Variants in TIAM1 observed in about 807,000 individuals in gnomAD.
The protein encoded by TIAM1 is TIAM Rac1 associated GEF 1.
TIAM1 carries 65 observed loss-of-function variants against 163.5 expected under a neutral mutation model. The ratio of observed to expected loss-of-function variants is 0.40; its 90% CI spans 0.33 to 0.49. The LOEUF is 0.49. TIAM1 is among the 20% of genes least tolerant of loss of function. The pLI is 0.77. For synonymous variants in TIAM1, 833 were observed against 810.1 expected, an observed-to-expected ratio of 1.03 and a Z score of -0.48; for missense variants, 1,789 against 2,044.7, an observed-to-expected ratio of 0.87 and a Z score of 2.41.
chr21:31,394,728 T>TCACACACACACA (rs71318270), intron 2 of TIAM1, among the ~76,000 whole-genome samples: 10 of 95,728 alleles, frequency 1.0e-4, no homozygotes, highest in East Asian at 9.1e-4. Flanking sequence ...TCTCTCTCTC[T>TCACACACACACA]CACACACACA....
chr21:31,250,922 C>T (rs2071768522), intron 5 of TIAM1, among the ~76,000 whole-genome samples: 1 of 152,214 alleles, frequency 6.6e-6, no homozygotes, highest in South Asian at 2.1e-4. Flanking sequence ...ACATGCATGT[C>T]TGTATCTATA....
chr21:31,506,160 C>CGA (rs2047019537), intron 1 of TIAM1, among the ~76,000 whole-genome samples: 1 of 151,822 alleles, frequency 6.6e-6, no homozygotes, highest in South Asian at 2.1e-4. Context: ...GACTCCTCTT[C>CGA]ACAGCAGGAA....
chr21:31,394,958 C>T (rs1319774158), intron 2 of TIAM1, among the ~76,000 whole-genome samples: 1 of 152,108 alleles, frequency 6.6e-6, no homozygotes, highest in Non-Finnish European at 1.5e-5. Context: ...GTAAGTGGGG[C>T]CAGGCATGAT....
At chr21:31,200,312 G>C (rs2086128574) in intron 12 of TIAM1, among the ~76,000 whole-genome samples, 1 of 151,776 alleles carries the variant, frequency 6.6e-6, no homozygotes, top group African/African-American at 2.4e-5. Flanking sequence ...ACTCCAGACT[G>C]GGCAACAGAA....
chr21:31,545,917 C>T (rs1169222888), intron 1 of TIAM1, among the ~76,000 whole-genome samples: 1 of 152,102 alleles, frequency 6.6e-6, no homozygotes, highest in African/African-American at 2.4e-5. Flanking sequence ...TAGTCACACC[C>T]ATTCAAAGAT....
At chr21:31,359,962 A>G (rs1235248946) in intron 2 of TIAM1, among the ~76,000 whole-genome samples, 1 of 152,200 alleles carries the variant, frequency 6.6e-6, no homozygotes, top group African/African-American at 2.4e-5. Flanking sequence ...AATGCAAAAA[A>G]GATACCAACC....
chr21:31,557,715 C>T lies in TIAM1; in HGVS notation c.-422+1212G>A, dbSNP rs185734217. ...CGCGCGGGTGTCACCGAGGCGGGCA[C>T]AGACTGCACAGTGTCCCCAAGGGCT... is the stretch of plus-strand genomic sequence containing the variant. On this transcript the variant is annotated intron_variant, in intron 1 of 28. Transcript: ENST00000286827. 5.3e-3 allele frequency among the ~76,000 whole-genome samples: 810 copies of T among 152,304 alleles called. 9 individuals are homozygous for T. Among genetic ancestry groups the T allele is most frequent in the Non-Finnish European group, 7.1e-3 (480 of 68,018 alleles).
At chr21:31,521,745 A>C (rs867064826) in intron 1 of TIAM1, among the ~76,000 whole-genome samples, 132 of 146,976 alleles carry the variant, frequency 9.0e-4, no homozygotes, top group Non-Finnish European at 1.7e-3. Context: ...CTCACACACA[A>C]ACACACACAC....
At chr21:31,553,880 T>C (rs551573375) in intron 1 of TIAM1, among the ~76,000 whole-genome samples, 1 of 152,208 alleles carries the variant, frequency 6.6e-6, no homozygotes, top group Non-Finnish European at 1.5e-5. Context: ...CCCCTTCCCC[T>C]AGCGAAGAGG....
At chr21:31,436,227 A>G (rs1254365465) in intron 2 of TIAM1, among the ~76,000 whole-genome samples, 1 of 152,196 alleles carries the variant, frequency 6.6e-6, no homozygotes, top group Non-Finnish European at 1.5e-5. Context: ...CCCAAGGACA[A>G]GCACCACGTA....
Position 31,337,884 on chromosome 21 carries a change from A to G in TIAM1, c.-189+1359T>C, listed in dbSNP as rs1030719316. Among the ~76,000 whole-genome samples the G allele has an allele frequency of 3.9e-4, 60 of 152,044 alleles. 1 individual carries two copies. Among genetic ancestry groups the G allele is most frequent in the Non-Finnish European group, 1.5e-4 (10 of 68,016 alleles). On this transcript the variant is annotated intron_variant, in intron 2 of 27. Transcript: ENST00000541036. Reference sequence around the variant, plus strand: ...CTTGAAAAAGGCATGTAGCCTAATTATGATAATACAATGTGTCTGTATTAT... The same window carrying G: ...CTTGAAAAAGGCATGTAGCCTAATTGTGATAATACAATGTGTCTGTATTAT...
At chr21:31,506,948 G>A (rs956477976) in intron 1 of TIAM1, among the ~76,000 whole-genome samples, 3 of 152,114 alleles carry the variant, frequency 2.0e-5, no homozygotes, top group Admixed American at 6.5e-5. Flanking sequence ...CCTTCTTAAG[G>A]CTAAATCATA....
At chr21:31,243,201 A>T (rs1427246006) in intron 6 of TIAM1, among the ~76,000 whole-genome samples, 6 of 133,598 alleles carry the variant, frequency 4.5e-5, no homozygotes, top group African/African-American at 1.5e-4. Flanking sequence ...TCAAAAAAAA[A>T]AAAAAAAAAT....
chr21:31,288,852 T>C (rs2073912227), intron 2 of TIAM1, among the ~76,000 whole-genome samples: 1 of 152,250 alleles, frequency 6.6e-6, no homozygotes, highest in East Asian at 1.9e-4. Context: ...AATAATTTAA[T>C]GCAAAAATAA....
chr21:31,503,139 A>C (rs369108102), intron 1 of TIAM1, among the ~76,000 whole-genome samples: 1 of 152,228 alleles, frequency 6.6e-6, no homozygotes, highest in African/African-American at 2.4e-5. Flanking sequence ...TCACGCCTGT[A>C]ATCCCAGCAC....
intron 22 of TIAM1, among the ~76,000 whole-genome samples, chr21:31,137,060 T>A (rs1237245073): frequency 6.6e-6 from 1 of 152,234 alleles, no homozygotes; most frequent in Admixed American, 6.5e-5. Context: ...CTAGACACGA[T>A]GATCCAGAGA....
At chr21:31,335,608 G>A (rs2075811757) in intron 2 of TIAM1, among the ~76,000 whole-genome samples, 1 of 151,870 alleles carries the variant, frequency 6.6e-6, no homozygotes, top group Non-Finnish European at 1.5e-5. Flanking sequence ...GGGAGGCTGA[G>A]GTGGGAGAAT....
chr21:31,534,574 C>G (rs1257438501), intron 1 of TIAM1, among the ~76,000 whole-genome samples: 1 of 152,112 alleles, frequency 6.6e-6, no homozygotes, highest in East Asian at 1.9e-4. Context: ...ACTCGGGAAG[C>G]TGAGATAGAA....
Position 31,225,771 on chromosome 21 carries a change from C to T in TIAM1, c.1764G>A (p.Leu588=). 2 of 1,613,806 alleles carry T rather than the reference C, an allele frequency of 1.2e-6. No individual in the cohort carries two copies. The highest frequency in any genetic ancestry group is 8.5e-7 in the Non-Finnish European group (1 of 1,180,026). The change falls in exon 7 of 28, where the codon CTG becomes CTA. Residue 588 remains leucine (L), a synonymous_variant. Coordinates refer to ENST00000541036, the MANE Select transcript of TIAM1 (RefSeq NM_001353694.2). ...EKMKKMGEMQ[L]SSVTDSKKKK... ...TTTTCTTTGAGTCAGTGACTGAAGACAGCTGCATTTCACCCATTTTCTTCA... is the reference window on the plus strand; with the variant it reads ...TTTTCTTTGAGTCAGTGACTGAAGATAGCTGCATTTCACCCATTTTCTTCA...
Sources: allele counts gnomAD v4.1 joint callset (sites outside exome capture counted in the v4.1 genomes callset), GRCh38; gene constraint gnomAD v4.1.1; transcripts MANE v1.5; gene names NCBI Gene and HGNC (gene_info 2026-07-23, HGNC 2026-07-21).